The following SARNP variants were observed in gnomAD, a reference collection of about 807,000 sequenced individuals.
The protein encoded by SARNP is SAP domain containing ribonucleoprotein.
SARNP carries 5 observed loss-of-function variants against 38.1 expected under a neutral mutation model. The observed-to-expected ratio is 0.13, with a 90% CI of 0.07 to 0.28. The LOEUF (loss-of-function observed/expected upper bound fraction) is 0.28, where lower values mean the gene tolerates loss of function less well. Ranked by LOEUF, SARNP falls within the 10% of genes least tolerant of loss-of-function variation. The pLI, the probability that SARNP is intolerant of heterozygous loss-of-function variation, is 1.00. For synonymous variants in SARNP, 84 were observed against 80.6 expected (o/e 1.04, Z -0.23); for missense variants, 180 against 243.9 (o/e 0.74, Z 1.75).
At chr12:55,774,555 T>C (rs1294177310) in intron 9 of SARNP, among the ~76,000 whole-genome samples, 1 of 68,432 alleles carries the variant, frequency 1.5e-5, no homozygotes, top group Admixed American at 2.2e-4. Flanking sequence ...ACCCCGTCTC[T>C]ACTGAAAAAA....
chr12:55,797,377 C>A (rs1469870503), intron 4 of SARNP, among the ~76,000 whole-genome samples: 1 of 152,108 alleles, frequency 6.6e-6, no homozygotes, highest in African/African-American at 2.4e-5. Flanking sequence ...GAACTTCAGG[C>A]CAAACATGAA....
At chr12:55,786,432 T>TTTGG (rs1228461032) in intron 9 of SARNP, among the ~76,000 whole-genome samples, 1 of 131,900 alleles carries the variant, frequency 7.6e-6, no homozygotes, top group African/African-American at 3.0e-5. Flanking sequence ...ACAAGTGAGC[T>TTTGG]TTGGTTTGTT....
At chr12:55,755,783 G>A (rs1176924857), downstream of SARNP, 3 of 129,924 alleles carry the variant, frequency 2.3e-5, no homozygotes, top group East Asian at 3.9e-4. Flanking sequence ...GATGAAAGAG[G>A]TTAATAAGAA....
intron 10 of SARNP, 62 bp downstream of exon 10, chr12:55,760,489 A>G (rs1195554583): frequency 1.1e-5 from 10 of 890,154 alleles, no homozygotes; most frequent in Non-Finnish European, 1.9e-5. Flanking sequence ...ATATTTCTCC[A>G]TTCAGTTTAT....
chr12:55,803,622 T>C lies in SARNP; in HGVS notation c.136+7A>G, dbSNP rs748473346. 2 of 1,580,082 alleles carry C rather than the reference T, an allele frequency of 1.3e-6. No homozygotes were observed. Among genetic ancestry groups the C allele is most frequent in the Non-Finnish European group, 1.7e-6 (2 of 1,152,758 alleles). ...CTCACATCACTCCGCCTCCACAAAG[T>C]ACTCACCATGTTCTTCAAGATATGC... On this transcript the variant is annotated splice_region_variant and intron_variant, in intron 2 of 10. Coordinates refer to ENST00000336133, the MANE Select transcript of SARNP (RefSeq NM_033082.4).
chr12:55,766,626 G>C (rs1246769969), intron 9 of SARNP, among the ~76,000 whole-genome samples: 2 of 128,640 alleles, frequency 1.6e-5, no homozygotes, highest in African/African-American at 2.9e-5. Flanking sequence ...CGGGGGGGGG[G>C]GGGGGGTTGT....
chr12:55,805,701 G>C (rs1018521959), intron 1 of SARNP, among the ~76,000 whole-genome samples: 1 of 152,144 alleles, frequency 6.6e-6, no homozygotes, highest in Non-Finnish European at 1.5e-5. Flanking sequence ...ACAAATATTA[G>C]CTGGGCATGG....
chr12:55,767,541 C>T (rs1389424790), intron 9 of SARNP, among the ~76,000 whole-genome samples: 4 of 151,868 alleles, frequency 2.6e-5, no homozygotes, highest in African/African-American at 9.7e-5. Context: ...AGAGTGAGAT[C>T]TTGTCTCAAA....
chr12:55,779,473 C>T (rs1187280004), intron 9 of SARNP, among the ~76,000 whole-genome samples: 1 of 152,176 alleles, frequency 6.6e-6, no homozygotes, highest in Non-Finnish European at 1.5e-5. Flanking sequence ...ACTAAGCAGG[C>T]TACTTTTCCA....
intron 1 of SARNP, among the ~76,000 whole-genome samples, chr12:55,809,000 A>T (rs796470783): frequency 2.0e-5 from 3 of 152,244 alleles, no homozygotes; most frequent in African/African-American, 7.2e-5. Context: ...TGAGTCCAGG[A>T]GTTCGAGACC....
In SARNP at chr12:55,791,106, C is replaced by T. The variant is rs118112594; in HGVS notation, c.407-514G>A. ...CAGTCACAAAAGACAATACACTATACGCACTATACGAATTCATTTATATGA... is the reference window on the plus strand; with the variant it reads ...CAGTCACAAAAGACAATACACTATATGCACTATACGAATTCATTTATATGA... On this transcript the variant is annotated intron_variant, in intron 7 of 10. Transcript: ENST00000336133. Among the ~76,000 whole-genome samples, 178 of 152,240 alleles carry T rather than the reference C, an allele frequency of 1.2e-3. 7 individuals carry two copies. Among genetic ancestry groups the T allele is most frequent in the Admixed American group, 7.5e-3 (114 of 15,292 alleles).
intron 4 of SARNP, among the ~76,000 whole-genome samples, chr12:55,799,559 CTTTT>C (rs10529763): frequency 8.9e-6 from 1 of 112,248 alleles, no homozygotes; most frequent in African/African-American, 3.5e-5. Context: ...GAGTGTCACA[CTTTT>C]TTTTTTTTTT....
At chr12:55,792,516 C>G (rs762646314) in intron 7 of SARNP, 1 of 148,060 alleles carries the variant, frequency 6.8e-6, no homozygotes, top group African/African-American at 2.5e-5. Flanking sequence ...GAATTACAGG[C>G]GCGCAACACC....
At chr12:55,798,129 T>C (rs1879872851) in intron 4 of SARNP, among the ~76,000 whole-genome samples, 1 of 152,182 alleles carries the variant, frequency 6.6e-6, no homozygotes, top group African/African-American at 2.4e-5. Context: ...AGGCACTATA[T>C]CTAATTATAA....
chr12:55,758,105 G>T (rs1453864600), intron 10 of SARNP, among the ~76,000 whole-genome samples: 1 of 152,136 alleles, frequency 6.6e-6, no homozygotes, highest in African/African-American at 2.4e-5. Context: ...GTATGTGGGT[G>T]AGTCCCTATC....
At chr12:55,803,547 G>GAAA in intron 2 of SARNP, 82 bp downstream of exon 2, 19 of 666,270 alleles carry the variant, frequency 2.9e-5, no homozygotes, top group Admixed American at 1.2e-4. Flanking sequence ...CTAATGACCT[G>GAAA]AAAAAAAAAA....
chr12:55,779,278 G>A (rs148420248), intron 9 of SARNP, among the ~76,000 whole-genome samples: 3 of 152,296 alleles, frequency 2.0e-5, no homozygotes, highest in African/African-American at 2.4e-5. Flanking sequence ...TCCCCCAAAA[G>A]CTCTTGATCA....
intron 8 of SARNP, among the ~76,000 whole-genome samples, chr12:55,790,013 T>C (rs1184429148): frequency 2.0e-5 from 3 of 151,592 alleles, no homozygotes. Flanking sequence ...ACTTACAATA[T>C]TAAACAGCAA....
chr12:55,771,200 C>A (rs367910087), intron 9 of SARNP, among the ~76,000 whole-genome samples: 4 of 152,012 alleles, frequency 2.6e-5, no homozygotes, highest in African/African-American at 7.3e-5. Context: ...TCAGGTGATC[C>A]GCCTGCCCCG....
Sources: allele counts gnomAD v4.1 joint callset (sites outside exome capture counted in the v4.1 genomes callset), GRCh38; gene constraint gnomAD v4.1.1; transcripts MANE v1.5; gene names NCBI Gene and HGNC (gene_info 2026-07-23, HGNC 2026-07-21).